Variants in ADAM19 observed in about 807,000 individuals in gnomAD.
ADAM19 encodes the protein disintegrin and metalloproteinase domain-containing protein 19.
Under a neutral mutation model 114.7 loss-of-function variants are expected in ADAM19, and 65 were observed. The observed-to-expected ratio is 0.57, with a 90% CI of 0.46 to 0.70. The LOEUF (loss-of-function observed/expected upper bound fraction) is 0.70, where lower values mean the gene tolerates loss of function less well. ADAM19 is among the 30% of genes least tolerant of loss of function. ADAM19 has a pLI of 0.00. For missense variants in ADAM19, 1,063 were observed against 1,204.7 expected (o/e 0.88, Z 1.74); for synonymous variants, 466 against 460.5 (o/e 1.01, Z -0.15).
chr5:157,513,612 A>G, intron 7 of ADAM19, 107 bp from the exon 8 acceptor site: 2 of 1,001,366 alleles, frequency 2.0e-6, no homozygotes, highest in South Asian at 1.4e-5. Flanking sequence ...TCTGTCTTCT[A>G]TGAGCCATCA....
chr5:157,505,536 T>G lies in ADAM19; in HGVS notation c.1130+133A>C. 6 of 1,076,792 alleles carry G rather than the reference T, an allele frequency of 5.6e-6. No homozygotes were observed. In the South Asian group the frequency reaches 1.2e-4, roughly 22 times the overall value. The allele number at this position is 1,076,792 out of a possible 1,614,324, so 66.7% of individuals were successfully genotyped here. ...TGGTCTTCTCTCAATTTCTTTGTTG[T>G]AAAAACTACATTTTTTGGCCCCATC... On this transcript the variant is annotated intron_variant, in intron 11 of 22. Coordinates refer to ENST00000257527, the MANE Select transcript of ADAM19 (RefSeq NM_033274.5).
intron 7 of ADAM19, among the ~76,000 whole-genome samples, chr5:157,515,268 C>T (rs528322317): frequency 5.3e-4 from 81 of 152,300 alleles, no homozygotes; most frequent in South Asian, 8.3e-4. Flanking sequence ...GCACAGACAG[C>T]GTTGCAGCAT....
At chr5:157,535,534 G>C (rs1037041770) in intron 4 of ADAM19, among the ~76,000 whole-genome samples, 1 of 152,240 alleles carries the variant, frequency 6.6e-6, no homozygotes, top group Non-Finnish European at 1.5e-5. Context: ...AGTAGCAGGG[G>C]ATGTAAGCAA....
intron 9 of ADAM19, among the ~76,000 whole-genome samples, chr5:157,507,425 T>G (rs747299051): frequency 6.6e-6 from 1 of 152,206 alleles, no homozygotes; most frequent in Non-Finnish European, 1.5e-5. Context: ...TGGAAGGAAA[T>G]GGGCAGGGTT....
rs768236748 is a variant in ADAM19 at position 157,489,158 on chromosome 5, C to T, written c.2269G>A (p.Gly757Arg). ...SCPFRVSQNS[G>R]TGHANPTFKL... is the part of the protein sequence containing the mutation. ...AAAGTTGGGTTGGCATGACCAGTCC[C>T]GCTGTTCTGAGAAACCCTGAAGGGA... is the stretch of plus-strand genomic sequence containing the variant. The change falls in exon 20 of 23, where the codon GGG becomes AGG. Residue 757 changes from glycine to arginine, a missense_variant. Transcript: ENST00000257527. 5.4e-5 allele frequency: 87 copies of T among 1,613,920 alleles called. No individual in the cohort carries two copies. The highest frequency in any genetic ancestry group is 6.7e-5 in the Non-Finnish European group (79 of 1,179,948).
intron 7 of ADAM19, among the ~76,000 whole-genome samples, chr5:157,514,330 C>T (rs11749294): frequency 0.42 from 60,050 of 142,564 alleles, 13,293 homozygotes; most frequent in African/African-American, 0.59. Flanking sequence ...ACATTTCTTT[C>T]TTTTTTTTTT....
At chr5:157,534,180 G>T (rs1408308397) in intron 4 of ADAM19, among the ~76,000 whole-genome samples, 5 of 151,998 alleles carry the variant, frequency 3.3e-5, no homozygotes, top group Admixed American at 3.3e-4. Flanking sequence ...ATTATTAACA[G>T]TAAGAGGTCG....
Position 157,507,091 on chromosome 5 carries a change from T to C in ADAM19, c.955A>G (p.Met319Val). Reference sequence around the variant, plus strand: ...CCTCCAGACTGGTACACAGAGCACATGGCCATGAGGGGGGCCAGGCCGATG... The same window carrying C: ...CCTCCAGACTGGTACACAGAGCACACGGCCATGAGGGGGGCCAGGCCGATG... ...TTIGLAPLMA[M>V]CSVYQSGGVN... Residue 319 changes from methionine to valine, a missense_variant, in exon 10 of 23, where the codon ATG becomes GTG. By Grantham distance (21) the Met-to-Val change is conservative. Around this residue, in one of 3 missense-constraint regions of ADAM19, gnomAD observed 615 missense variants for 706.3 expected, o/e 0.87. Transcript: ENST00000257527. The C allele has an allele frequency of 6.2e-7, 1 of 1,614,116 alleles. No individual in the cohort carries two copies. Among genetic ancestry groups the C allele is most frequent in the Non-Finnish European group, 8.5e-7 (1 of 1,180,000 alleles).
At chr5:157,523,489 T>C (rs955835243) in intron 5 of ADAM19, among the ~76,000 whole-genome samples, 1 of 152,116 alleles carries the variant, frequency 6.6e-6, no homozygotes, top group South Asian at 2.1e-4. Context: ...CAAATTCCCA[T>C]GAGAGTTTCC....
At chr5:157,503,630 A>G (rs968840031) in intron 11 of ADAM19, among the ~76,000 whole-genome samples, 5 of 152,256 alleles carry the variant, frequency 3.3e-5, no homozygotes, top group African/African-American at 1.2e-4. Flanking sequence ...GGGGGCTGCG[A>G]TAAGTAAAGG....
At chr5:157,575,208 G>A (rs149445339) in intron 1 of ADAM19, among the ~76,000 whole-genome samples, 1 of 152,236 alleles carries the variant, frequency 6.6e-6, no homozygotes, top group East Asian at 1.9e-4. Flanking sequence ...GATGCTCGGC[G>A]TTGGCGAGTG....
intron 3 of ADAM19, among the ~76,000 whole-genome samples, chr5:157,548,047 T>C (rs1757096348): frequency 6.6e-6 from 1 of 152,224 alleles, no homozygotes; most frequent in Non-Finnish European, 1.5e-5. Flanking sequence ...TCATTTTCAA[T>C]GTCATTCTTG....
intron 3 of ADAM19, among the ~76,000 whole-genome samples, chr5:157,549,050 C>G (rs1757121766): frequency 6.6e-6 from 1 of 152,172 alleles, no homozygotes; most frequent in Admixed American, 6.5e-5. Context: ...AATCCATGGG[C>G]TCCATCCACC....
At chr5:157,525,211 G>A (rs539558455) in intron 5 of ADAM19, among the ~76,000 whole-genome samples, 5 of 152,296 alleles carry the variant, frequency 3.3e-5, no homozygotes, top group Admixed American at 6.5e-5. Flanking sequence ...CTTAATCTGT[G>A]CAATGCCTGA....
chr5:157,480,159 C>T lies in ADAM19; in HGVS notation c.*790G>A, dbSNP rs1754701462. ...TGAGAGGGGAAGGAAGAGAGAAAAGCGTGGGGCACCAGGAAAGTGCGGCAG... is the reference window on the plus strand; with the variant it reads ...TGAGAGGGGAAGGAAGAGAGAAAAGTGTGGGGCACCAGGAAAGTGCGGCAG... On this transcript the variant is annotated 3_prime_UTR_variant, in exon 23 of 23. Coordinates refer to ENST00000257527, the MANE Select transcript of ADAM19 (RefSeq NM_033274.5). 8.1e-6 allele frequency: 8 copies of T among 986,096 alleles called. No homozygotes were observed. Among genetic ancestry groups the T allele is most frequent in the Non-Finnish European group, 9.6e-6 (8 of 830,080 alleles). 61.1% of individuals were successfully genotyped at this position (986,096 alleles called of 1,614,324 possible). A position where few individuals can be genotyped will look rare whatever the true frequency, so the allele number is the denominator to read the frequency against.
chr5:157,524,345 ATTGC>A (rs1554081487), intron 5 of ADAM19, among the ~76,000 whole-genome samples: 6 of 152,184 alleles, frequency 3.9e-5, no homozygotes, highest in Non-Finnish European at 2.9e-5. Flanking sequence ...TCTCCATCCT[ATTGC>A]TCATCGTTAA....
chr5:157,489,232 G>C (rs1237291046), intron 19 of ADAM19, 46 bp from the exon 20 acceptor site: 1 of 1,400,684 alleles, frequency 7.1e-7, no homozygotes, highest in African/African-American at 1.4e-5. Context: ...ACGATGTTCA[G>C]CAGGGGACAG....
At chr5:157,536,784 T>C (rs371064095) in intron 4 of ADAM19, among the ~76,000 whole-genome samples, 10 of 152,330 alleles carry the variant, frequency 6.6e-5, no homozygotes, top group African/African-American at 2.4e-4. Flanking sequence ...ATGGGCCTGG[T>C]AGAACACTCA....
chr5:157,565,483 C>T (rs1581359430), intron 2 of ADAM19, among the ~76,000 whole-genome samples: 1 of 152,068 alleles, frequency 6.6e-6, no homozygotes, highest in African/African-American at 2.4e-5. Context: ...CTTTGGGAGG[C>T]CGAGGCAGGC....
Sources: allele counts gnomAD v4.1 joint callset (sites outside exome capture counted in the v4.1 genomes callset), GRCh38; gene constraint gnomAD v4.1.1; regional missense constraint gnomAD v4.1.1; transcripts MANE v1.5; gene names NCBI Gene and HGNC (gene_info 2026-07-23, HGNC 2026-07-21).